The following INPP5B variants were observed in gnomAD, a reference collection of about 807,000 sequenced individuals.
INPP5B encodes type II inositol 1,4,5-trisphosphate 5-phosphatase.
A neutral mutation model predicts 118.5 loss-of-function variants in INPP5B; 90 were observed. That is an observed-to-expected ratio of 0.76 (90% CI 0.64 to 0.90). INPP5B has a LOEUF of 0.90. Ranked by LOEUF, INPP5B falls within the 40% of genes least tolerant of loss-of-function variation. The pLI is 0.00. For synonymous variants in INPP5B, 385 were observed against 418.9 expected (o/e 0.92, Z 0.99); for missense variants, 984 against 1,125.6 (o/e 0.87, Z 1.80).
chr1:37,877,329 G>T (rs1034774819), intron 16 of INPP5B, among the ~76,000 whole-genome samples: 4 of 150,278 alleles, frequency 2.7e-5, no homozygotes, highest in African/African-American at 7.4e-5. Flanking sequence ...GTGACAGAGC[G>T]AGACTCCATC....
chr1:37,917,682 C>A (rs1032695455), intron 7 of INPP5B, among the ~76,000 whole-genome samples: 1 of 152,078 alleles, frequency 6.6e-6, no homozygotes, highest in Non-Finnish European at 1.5e-5. Context: ...GTAATCCCAG[C>A]ACTTTGGGAG....
At chr1:37,936,200 C>T (rs1645682109) in intron 6 of INPP5B, among the ~76,000 whole-genome samples, 1 of 152,212 alleles carries the variant, frequency 6.6e-6, no homozygotes, top group South Asian at 2.1e-4. Context: ...GCTCTCTCCA[C>T]ACCCTCCTCT....
chr1:37,864,548 G>A (rs1188027120), intron 22 of INPP5B, 125 bp from the exon 23 acceptor site: 7 of 564,286 alleles, frequency 1.2e-5, no homozygotes, highest in African/African-American at 3.8e-5. Context: ...AAAACTGGTT[G>A]CTTACCACTT....
intron 6 of INPP5B, among the ~76,000 whole-genome samples, chr1:37,939,359 C>T (rs952237786): frequency 6.6e-6 from 1 of 151,670 alleles, no homozygotes; most frequent in Admixed American, 6.6e-5. Flanking sequence ...AGCAAAACTC[C>T]GTCTCAAAAA....
chr1:37,906,086 T>C (rs1470432199), intron 7 of INPP5B, among the ~76,000 whole-genome samples: 2 of 152,208 alleles, frequency 1.3e-5, no homozygotes, highest in Non-Finnish European at 2.9e-5. Flanking sequence ...TAGGACACAG[T>C]TGGAGAAATT....
intron 7 of INPP5B, among the ~76,000 whole-genome samples, chr1:37,902,060 C>T (rs1644353038): frequency 6.6e-6 from 1 of 151,474 alleles, no homozygotes; most frequent in African/African-American, 2.4e-5. Context: ...GATCTCAGCT[C>T]ACGGCTCCTC....
At chr1:37,934,183 C>G (rs1229952313) in intron 6 of INPP5B, among the ~76,000 whole-genome samples, 3 of 152,078 alleles carry the variant, frequency 2.0e-5, no homozygotes, top group Non-Finnish European at 2.9e-5. Flanking sequence ...CCGCCCACCT[C>G]AACCTCTCAA....
At chr1:37,879,074 C>A (rs1643026826) in intron 15 of INPP5B, among the ~76,000 whole-genome samples, 1 of 151,888 alleles carries the variant, frequency 6.6e-6, no homozygotes, top group Non-Finnish European at 1.5e-5. Flanking sequence ...GAGATTGAGA[C>A]CATCCTGGCC....
At chr1:37,894,709 G>A (rs1005539688) in intron 7 of INPP5B, among the ~76,000 whole-genome samples, 6 of 151,910 alleles carry the variant, frequency 3.9e-5, no homozygotes, top group South Asian at 2.1e-4. Context: ...TTAGAGACAC[G>A]CAACACCACA....
At chr1:37,866,643 G>C in intron 20 of INPP5B, 100 bp from the exon 21 acceptor site, 1 of 728,234 alleles carries the variant, frequency 1.4e-6, no homozygotes, top group South Asian at 1.5e-5. Flanking sequence ...AAAAGGAGCA[G>C]TGTGGTGAGG....
chr1:37,935,458 G>T (rs1401864324), intron 6 of INPP5B, among the ~76,000 whole-genome samples: 1 of 151,424 alleles, frequency 6.6e-6, no homozygotes, highest in Non-Finnish European at 1.5e-5. Context: ...CTCCCAAAGT[G>T]CTGGGATTAC....
chr1:37,875,036 C>T (rs563882577), intron 17 of INPP5B, among the ~76,000 whole-genome samples: 18 of 152,274 alleles, frequency 1.2e-4, no homozygotes, highest in African/African-American at 4.3e-4. Context: ...TGCAAGAATA[C>T]ACAATAGTTA....
chr1:37,927,301 A>G (rs1645266306), intron 7 of INPP5B, among the ~76,000 whole-genome samples: 1 of 152,146 alleles, frequency 6.6e-6, no homozygotes, highest in Non-Finnish European at 1.5e-5. Flanking sequence ...TCTCAAAAAA[A>G]AAAAGGAGCA....
rs141227660 is a variant in INPP5B, at chr1:37,897,804, C to T, written c.533-6350G>A. ...AAATAAAATAAGATAAAAGTAGTGGCACATGCCCATAGTCCTAGCTACTTG... is the reference window on the plus strand; with the variant it reads ...AAATAAAATAAGATAAAAGTAGTGGTACATGCCCATAGTCCTAGCTACTTG... On this transcript the variant is annotated intron_variant, in intron 7 of 23. Coordinates refer to ENST00000373024, the MANE Select transcript of INPP5B (RefSeq NM_005540.3). Among the ~76,000 whole-genome samples, 848 of 152,002 alleles carry T rather than the reference C, an allele frequency of 5.6e-3. 3 individuals are homozygous for T. Among genetic ancestry groups the T allele is most frequent in the Non-Finnish European group, 9.1e-3 (621 of 67,948 alleles).
chr1:37,869,748 G>A (rs1642292735), intron 19 of INPP5B, among the ~76,000 whole-genome samples: 2 of 151,776 alleles, frequency 1.3e-5, no homozygotes, highest in Non-Finnish European at 2.9e-5. Flanking sequence ...CCAAAGTTCT[G>A]GGATTACAGG....
At chr1:37,909,673 C>G (rs1644620424) in intron 7 of INPP5B, among the ~76,000 whole-genome samples, 1 of 152,166 alleles carries the variant, frequency 6.6e-6, no homozygotes, top group Non-Finnish European at 1.5e-5. Flanking sequence ...GTCTTATTCT[C>G]AATACACATT....
At chr1:37,868,840 T>C (rs1431417924) in intron 19 of INPP5B, among the ~76,000 whole-genome samples, 1 of 152,202 alleles carries the variant, frequency 6.6e-6, no homozygotes, top group African/African-American at 2.4e-5. Flanking sequence ...AGGTCAAATA[T>C]GCACCATCTT....
chr1:37,863,776 G>A (rs1304140481), intron 23 of INPP5B, among the ~76,000 whole-genome samples: 1 of 149,190 alleles, frequency 6.7e-6, no homozygotes, highest in Non-Finnish European at 1.5e-5. Flanking sequence ...CGTATATGTG[G>A]TCTTTCGTTG....
At chr1:37,880,499 G>A (rs1364704022) in intron 14 of INPP5B, among the ~76,000 whole-genome samples, 12 of 151,796 alleles carry the variant, frequency 7.9e-5, no homozygotes, top group Admixed American at 5.9e-4. Flanking sequence ...GTGCAATGGC[G>A]CAATCTCGGC....
Sources: gnomAD v4.1 joint callset for allele counts (sites outside exome capture counted in the v4.1 genomes callset) on GRCh38, gnomAD v4.1.1 for gene constraint, MANE v1.5 for transcripts, NCBI Gene and HGNC (gene_info 2026-07-23, HGNC 2026-07-21) for gene names.